Variants in CAPN9 observed in about 807,000 individuals in gnomAD.
CAPN9 encodes calpain 9, also known as calpain-9.
Under a neutral mutation model 92.8 loss-of-function variants are expected in CAPN9, and 81 were observed. That is an observed-to-expected ratio of 0.87 (90% CI 0.73 to 1.05). The LOEUF is 1.05. Among genes scored for constraint, CAPN9 ranks in the 50% least tolerant of loss-of-function variants. CAPN9 has a pLI of 0.00. For synonymous variants in CAPN9, 304 were observed against 328.0 expected (o/e 0.93, Z 0.79); for missense variants, 848 against 866.2 (o/e 0.98, Z 0.26).
chr1:230,780,399 C>G (rs1307868130), intron 10 of CAPN9, 63 bp downstream of exon 10: 1 of 1,599,524 alleles, frequency 6.3e-7, no homozygotes, highest in Non-Finnish European at 8.6e-7. Flanking sequence ...GCGGCTCCTC[C>G]TCGGTCTCAC....
chr1:230,757,719 CAA>C (rs35948414), intron 2 of CAPN9, among the ~76,000 whole-genome samples: 6 of 104,270 alleles, frequency 5.8e-5, no homozygotes, highest in Non-Finnish European at 7.6e-5. Flanking sequence ...ACATCTCTAT[CAA>C]AAAAAAAAAA....
At chr1:230,751,597 GAA>G (rs1160438042) in intron 1 of CAPN9, among the ~76,000 whole-genome samples, 18 of 14,808 alleles carry the variant, frequency 1.2e-3, no homozygotes, top group South Asian at 3.7e-3. Context: ...AAGAAAGAAA[GAA>G]AGAAAGAAAG....
intron 2 of CAPN9, among the ~76,000 whole-genome samples, chr1:230,757,551 A>T (rs1470242267): frequency 6.6e-6 from 1 of 152,158 alleles, no homozygotes; most frequent in Non-Finnish European, 1.5e-5. Flanking sequence ...AATAACAAGA[A>T]AATGAACAGC....
At chr1:230,789,989 G>T in intron 13 of CAPN9, 143 bp from the exon 14 acceptor site, 1 of 612,878 alleles carries the variant, frequency 1.6e-6, no homozygotes, top group Non-Finnish European at 2.9e-6. Flanking sequence ...CTACACAGGA[G>T]ATAGGTACAT....
chr1:230,759,380 C>T, intron 2 of CAPN9, 132 bp from the exon 3 acceptor site: 1 of 640,320 alleles, frequency 1.6e-6, no homozygotes, highest in South Asian at 2.0e-5. Flanking sequence ...TTGTTGGTGT[C>T]CTGTCTGTTT....
intron 3 of CAPN9, among the ~76,000 whole-genome samples, chr1:230,761,062 C>A (rs1665600598): frequency 6.6e-6 from 1 of 152,094 alleles, no homozygotes; most frequent in African/African-American, 2.4e-5. Context: ...GGTCACAAAA[C>A]AATAAGTAGC....
intron 13 of CAPN9, among the ~76,000 whole-genome samples, 183 bp from the exon 14 acceptor site, chr1:230,789,949 A>G (rs1233893540): frequency 6.6e-6 from 1 of 152,160 alleles, no homozygotes; most frequent in East Asian, 1.9e-4. Flanking sequence ...TGTCCCTAAA[A>G]CATGTGACAT....
chr1:230,784,278 G>A (rs1450038348), intron 11 of CAPN9, among the ~76,000 whole-genome samples: 1 of 152,194 alleles, frequency 6.6e-6, no homozygotes, highest in Non-Finnish European at 1.5e-5. Context: ...ATTCAAGCAG[G>A]CTATGGAGCA....
intron 1 of CAPN9, among the ~76,000 whole-genome samples, chr1:230,749,480 G>A (rs1055898406): frequency 6.6e-6 from 1 of 152,232 alleles, no homozygotes; most frequent in African/African-American, 2.4e-5. Flanking sequence ...TGCCCAGGCT[G>A]CAGGCTGTGG....
chr1:230,791,752 A>G, intron 14 of CAPN9, 112 bp from the exon 15 acceptor site: 3 of 743,482 alleles, frequency 4.0e-6, no homozygotes, highest in South Asian at 1.7e-5. Flanking sequence ...GAGTAGCCAC[A>G]TCACAGCCCC....
chr1:230,796,144 C>T (rs1045104474), intron 18 of CAPN9, among the ~76,000 whole-genome samples: 2 of 150,718 alleles, frequency 1.3e-5, no homozygotes, highest in Admixed American at 6.6e-5. Flanking sequence ...CAGCTCATAG[C>T]GAAACTTTGT....
At chr1:230,782,714 A>C (rs1184306858) in intron 11 of CAPN9, among the ~76,000 whole-genome samples, 1 of 152,150 alleles carries the variant, frequency 6.6e-6, no homozygotes, top group African/African-American at 2.4e-5. Context: ...TTAGGGATGC[A>C]GCTTCAAAAG....
intron 4 of CAPN9, 88 bp from the exon 5 acceptor site, chr1:230,767,453 G>T: frequency 9.0e-7 from 1 of 1,107,972 alleles, no homozygotes; most frequent in African/African-American, 1.6e-5. Context: ...GATGCTTCAG[G>T]CTTAGTTAGA....
At chr1:230,798,743 C>A (rs1164863261) in intron 19 of CAPN9, among the ~76,000 whole-genome samples, 1 of 152,196 alleles carries the variant, frequency 6.6e-6, no homozygotes, top group Non-Finnish European at 1.5e-5. Context: ...GGGTTTCAAT[C>A]ACCCTCTCCC....
intron 2 of CAPN9, among the ~76,000 whole-genome samples, chr1:230,758,915 A>G (rs1011070532): frequency 6.6e-6 from 1 of 152,230 alleles, no homozygotes; most frequent in Non-Finnish European, 1.5e-5. Context: ...AGATAAAATC[A>G]TGTTTGATGT....
intron 13 of CAPN9, among the ~76,000 whole-genome samples, chr1:230,788,894 G>A (rs1667788241): frequency 6.6e-6 from 1 of 152,192 alleles, no homozygotes; most frequent in Non-Finnish European, 1.5e-5. Flanking sequence ...AAGGGAAGCG[G>A]TGAATGTTGC....
At chr1:230,772,976 C>T (rs1329069439) in intron 7 of CAPN9, among the ~76,000 whole-genome samples, 7 of 151,894 alleles carry the variant, frequency 4.6e-5, no homozygotes, top group South Asian at 2.1e-4. Context: ...AGCTGTTGCT[C>T]GTCCGCTGCT....
At chr1:230,773,569 C>T (rs1005475176) in intron 7 of CAPN9, among the ~76,000 whole-genome samples, 18 of 152,164 alleles carry the variant, frequency 1.2e-4, no homozygotes, top group African/African-American at 4.1e-4. Context: ...GAGGGGCAGG[C>T]GCCATCCCGA....
intron 13 of CAPN9, among the ~76,000 whole-genome samples, chr1:230,788,978 C>T (rs1368906815): frequency 3.9e-5 from 6 of 152,322 alleles, no homozygotes; most frequent in Admixed American, 1.3e-4. Context: ...TCATGTCCTG[C>T]TTTTCTTCCA....
Sources: allele counts gnomAD v4.1 joint callset (sites outside exome capture counted in the v4.1 genomes callset), GRCh38; gene constraint gnomAD v4.1.1; transcripts MANE v1.5; gene names NCBI Gene and HGNC (gene_info 2026-07-23, HGNC 2026-07-21).